GRIK1: variants seen among roughly 807,000 people sequenced by gnomAD.
GRIK1 encodes the protein glutamate ionotropic receptor kainate type subunit 1, also known as glutamate receptor ionotropic, kainate 1.
In GRIK1, 69 loss-of-function variants were observed where a neutral mutation model predicts 105.7. That is an observed-to-expected ratio of 0.65 (90% confidence interval 0.54 to 0.80). The LOEUF is 0.80. Ranked by LOEUF, GRIK1 falls within the 30% of genes least tolerant of loss-of-function variation. The pLI, the probability that GRIK1 is intolerant of heterozygous loss-of-function variation, is 0.00. For synonymous variants in GRIK1, 438 were observed against 431.3 expected (o/e 1.02, Z -0.19); for missense variants, 1,109 against 1,167.3 (o/e 0.95, Z 0.73).
chr21:29,777,946 G>T (rs759619579), intron 1 of GRIK1, among the ~76,000 whole-genome samples: 1 of 152,168 alleles, frequency 6.6e-6, no homozygotes, highest in Non-Finnish European at 1.5e-5. Flanking sequence ...TCACCATGAC[G>T]CAACACAAAG....
intron 3 of GRIK1, 62 bp downstream of exon 3, chr21:29,689,666 T>A: frequency 6.8e-7 from 1 of 1,460,994 alleles, no homozygotes. Context: ...GACTATTTGA[T>A]ACTTTCGTTC....
At position 29,616,027 on chromosome 21, in the gene GRIK1, A is replaced by G. The variant is rs144238845; in HGVS notation, c.1099-17090T>C. ...GCCTGGAAATTTGCCCCAATTCCCA[A>G]CAAGGGCTGAATCCAGCACCCAACA... On this transcript the variant is annotated intron_variant, in intron 7 of 17. Transcript: ENST00000327783. Among the ~76,000 whole-genome samples the G allele has an allele frequency of 3.4e-3, 521 of 152,292 alleles. 3 individuals carry two copies. The highest frequency in any genetic ancestry group is 5.4e-3 in the South Asian group (26 of 4,822).
At chr21:29,775,877 A>G (rs533728470) in intron 1 of GRIK1, among the ~76,000 whole-genome samples, 1 of 152,328 alleles carries the variant, frequency 6.6e-6, no homozygotes, top group African/African-American at 2.4e-5. Flanking sequence ...CTTACTTTGT[A>G]TTAGTCAGTT....
chr21:29,772,867 A>T (rs2065847540), intron 1 of GRIK1, among the ~76,000 whole-genome samples: 1 of 152,248 alleles, frequency 6.6e-6, no homozygotes, highest in Non-Finnish European at 1.5e-5. Context: ...TTAAGTTTTC[A>T]TTGAACTTTG....
chr21:29,693,026 C>G (rs996140944), intron 2 of GRIK1, among the ~76,000 whole-genome samples: 27 of 152,172 alleles, frequency 1.8e-4, no homozygotes, highest in Admixed American at 1.4e-3. Context: ...CATTTAGTAA[C>G]CTGGAAATCA....
chr21:29,708,901 T>C (rs573262302), intron 1 of GRIK1, among the ~76,000 whole-genome samples: 240 of 152,350 alleles, frequency 1.6e-3, no homozygotes, highest in African/African-American at 5.2e-3. Context: ...GCCCACATAA[T>C]TGATAAATAT....
chr21:29,678,515 C>A (rs1292715991), intron 3 of GRIK1, among the ~76,000 whole-genome samples: 1 of 152,072 alleles, frequency 6.6e-6, no homozygotes, highest in Non-Finnish European at 1.5e-5. Flanking sequence ...TCAACAGTAG[C>A]TAAAAAGAAT....
At chr21:29,573,789 C>T (rs1384244850) in intron 14 of GRIK1, among the ~76,000 whole-genome samples, 4 of 149,668 alleles carry the variant, frequency 2.7e-5, no homozygotes, top group African/African-American at 7.4e-5. Flanking sequence ...GAGGAGGTTG[C>T]AGTGAGCCAA....
At chr21:29,898,065 G>A (rs1215410234) in intron 1 of GRIK1, among the ~76,000 whole-genome samples, 1 of 152,132 alleles carries the variant, frequency 6.6e-6, no homozygotes, top group Non-Finnish European at 1.5e-5. Context: ...TTCGCCTACT[G>A]AGTCTTAATT....
intron 1 of GRIK1, among the ~76,000 whole-genome samples, chr21:29,730,607 G>C (rs932436531): frequency 1.3e-5 from 2 of 152,124 alleles, no homozygotes; most frequent in Non-Finnish European, 2.9e-5. Flanking sequence ...TTGCATAGCT[G>C]TTTCCTGGCT....
rs373360075 is a variant in GRIK1, at chr21:29,561,616, C to T, written c.2356+8G>A. On this transcript the variant is annotated splice_region_variant and intron_variant, in intron 15 of 17. Transcript: ENST00000327783. ...ATCTCAGTCTTGGTTCATGTCTACC[C>T]GTCTTACCAATAGGTGTTCCCACTC... 53 of 1,555,958 alleles carry T rather than the reference C, an allele frequency of 3.4e-5. No individual in the cohort carries two copies. Among genetic ancestry groups the T allele is most frequent in the Non-Finnish European group, 4.3e-5 (48 of 1,127,142 alleles).
intron 1 of GRIK1, among the ~76,000 whole-genome samples, chr21:29,864,442 G>T (rs116778766): frequency 0.013 from 1,976 of 151,908 alleles, 46 homozygotes; most frequent in African/African-American, 0.044. Flanking sequence ...CATTTTCTAT[G>T]TATTTTCCGT....
At chr21:29,931,443 C>G (rs1055739279) in intron 1 of GRIK1, among the ~76,000 whole-genome samples, 1 of 151,478 alleles carries the variant, frequency 6.6e-6, no homozygotes, top group African/African-American at 2.4e-5. Flanking sequence ...GTAACATACC[C>G]TTTGCATCAC....
chr21:29,910,178 CA>C (rs749507102), intron 1 of GRIK1, among the ~76,000 whole-genome samples: 58 of 152,042 alleles, frequency 3.8e-4, no homozygotes, highest in Admixed American at 6.6e-4. Flanking sequence ...TATGTACCCA[CA>C]AAAAATTTTT....
At chr21:29,827,646 T>A (rs550546606) in intron 1 of GRIK1, among the ~76,000 whole-genome samples, 19 of 152,106 alleles carry the variant, frequency 1.2e-4, no homozygotes, top group African/African-American at 3.9e-4. Flanking sequence ...TACCAAATGG[T>A]GATTAGTGAA....
intron 1 of GRIK1, among the ~76,000 whole-genome samples, chr21:29,767,864 ATGTGTGTGTGTGTGTGTG>A (rs60618188): frequency 2.0e-5 from 3 of 147,224 alleles, no homozygotes; most frequent in African/African-American, 5.1e-5. Context: ...GCTGAAATTC[ATGTGTGTGTGTGTGTGTG>A]TGTGTGTGTG....
Position 29,577,260 on chromosome 21 carries a change from G to A in GRIK1, c.1913-79C>T, listed in dbSNP as rs1601164957. On this transcript the variant is annotated intron_variant, in intron 13 of 17. Transcript: ENST00000327783. ...AGATGTACAGTTCGACACTATTCTAGGAAGATCAACCTGTAAAAGACTTAC... is the reference window on the plus strand; with the variant it reads ...AGATGTACAGTTCGACACTATTCTAAGAAGATCAACCTGTAAAAGACTTAC... 1.3e-5 allele frequency: 10 copies of A among 788,042 alleles called. No individual in the cohort carries two copies. In the East Asian group the frequency reaches 2.5e-4, roughly 19 times the overall value. 48.8% of individuals were successfully genotyped at this position (788,042 alleles called of 1,614,324 possible). A position where few individuals can be genotyped will look rare whatever the true frequency, so the allele number is the denominator to read the frequency against.
chr21:29,689,694 C>A (rs753535165), intron 3 of GRIK1, 34 bp downstream of exon 3: 2 of 1,601,370 alleles, frequency 1.2e-6, no homozygotes, highest in Admixed American at 3.3e-5. Flanking sequence ...TCAGAGCAGA[C>A]ATGGTCGGGT....
chr21:29,654,867 C>T lies in GRIK1; in HGVS notation c.727-4G>A, dbSNP rs2062818814. 1 of 1,555,086 alleles carries T rather than the reference C, an allele frequency of 6.4e-7. No homozygotes were observed. Among genetic ancestry groups the T allele is most frequent in the South Asian group, 1.1e-5 (1 of 89,814 alleles). On this transcript the variant is annotated splice_region_variant and splice_polypyrimidine_tract_variant and intron_variant, in intron 4 of 17. Coordinates refer to ENST00000327783, the MANE Select transcript of GRIK1 (RefSeq NM_001330994.2). ...TCATCATGCCCATGAACAGAATCTG[C>T]AAAAGAGAAATAAGGGGAAAGAATC...
Sources: allele counts gnomAD v4.1 joint callset (sites outside exome capture counted in the v4.1 genomes callset), GRCh38; gene constraint gnomAD v4.1.1; transcripts MANE v1.5; gene names NCBI Gene and HGNC (gene_info 2026-07-23, HGNC 2026-07-21).